Variants in ADAMTS19 observed in about 807,000 individuals in gnomAD.
The protein encoded by ADAMTS19 is A disintegrin and metalloproteinase with thrombospondin motifs 19.
Under a neutral mutation model 153.3 loss-of-function variants are expected in ADAMTS19, and 93 were observed. The observed-to-expected ratio is 0.61, with a 90% CI of 0.51 to 0.72. The LOEUF (loss-of-function observed/expected upper bound fraction) is 0.72. ADAMTS19 is among the 30% of genes least tolerant of loss of function. The pLI, the probability that ADAMTS19 is intolerant of heterozygous loss-of-function variation, is 0.00. For synonymous variants in ADAMTS19, 600 were observed against 556.6 expected (o/e 1.08, Z -1.10); for missense variants, 1,482 against 1,552.1 (o/e 0.95, Z 0.76).
intron 10 of ADAMTS19, among the ~76,000 whole-genome samples, chr5:129,641,441 G>T (rs1052561435): frequency 3.4e-4 from 51 of 152,222 alleles, no homozygotes; most frequent in African/African-American, 1.2e-3. Context: ...AAGCATAAAA[G>T]CAGAGCATAA....
chr5:129,474,922 A>G (rs1403639354), intron 2 of ADAMTS19, among the ~76,000 whole-genome samples: 1 of 152,136 alleles, frequency 6.6e-6, no homozygotes, highest in African/African-American at 2.4e-5. Flanking sequence ...AACTTTTGCC[A>G]ACTTGTTAAT....
chr5:129,648,252 C>T (rs17163218), intron 12 of ADAMTS19, among the ~76,000 whole-genome samples: 5,776 of 152,134 alleles, frequency 0.038, 343 homozygotes, highest in African/African-American at 0.13. Flanking sequence ...TTAATGACAG[C>T]AAAAGCTAAG....
chr5:129,544,913 A>C (rs946279219), intron 6 of ADAMTS19, among the ~76,000 whole-genome samples: 1 of 152,156 alleles, frequency 6.6e-6, no homozygotes, highest in Non-Finnish European at 1.5e-5. Context: ...CATTACCATG[A>C]ATCTGATTTC....
At chr5:129,729,779 T>C (rs193255531) in intron 21 of ADAMTS19, among the ~76,000 whole-genome samples, 42 of 152,198 alleles carry the variant, frequency 2.8e-4, no homozygotes, top group African/African-American at 9.4e-4. Context: ...TCTACTGTTA[T>C]TTTATGTCAT....
chr5:129,506,900 T>G (rs1751284151), intron 2 of ADAMTS19, among the ~76,000 whole-genome samples: 1 of 151,830 alleles, frequency 6.6e-6, no homozygotes, highest in South Asian at 2.1e-4. Context: ...TTAAAATATA[T>G]ATATATTTTT....
At chr5:129,609,300 C>T (rs560589089) in intron 8 of ADAMTS19, among the ~76,000 whole-genome samples, 2 of 152,240 alleles carry the variant, frequency 1.3e-5, no homozygotes, top group Non-Finnish European at 2.9e-5. Flanking sequence ...TTCCTTTATT[C>T]CTAAAATTTG....
At chr5:129,680,160 G>A (rs1411467201) in intron 17 of ADAMTS19, among the ~76,000 whole-genome samples, 2 of 152,100 alleles carry the variant, frequency 1.3e-5, no homozygotes, top group Non-Finnish European at 2.9e-5. Flanking sequence ...AAGTACAGAT[G>A]GATGACAGGG....
rs191199767 is a variant in ADAMTS19, at chr5:129,672,784, T to G, written c.2507-6980T>G. 2.4e-3 allele frequency among the ~76,000 whole-genome samples: 367 copies of G among 150,172 alleles called. 1 individual carries two copies. Among genetic ancestry groups the G allele is most frequent in the African/African-American group, 8.5e-3 (347 of 40,790 alleles). ...CTCAAGACTTATATGGTTACTAAGT[T>G]GGTTGGCATGTGCAAGTCCAAATCT... On this transcript the variant is annotated intron_variant, in intron 16 of 22. Transcript: ENST00000274487.
chr5:129,602,557 C>G (rs1433397032), intron 8 of ADAMTS19, among the ~76,000 whole-genome samples: 2 of 152,088 alleles, frequency 1.3e-5, no homozygotes, highest in Non-Finnish European at 2.9e-5. Context: ...TTATGATTGT[C>G]ATTTTACAGA....
chr5:129,569,263 G>A (rs1753816224), intron 7 of ADAMTS19, among the ~76,000 whole-genome samples: 1 of 151,898 alleles, frequency 6.6e-6, no homozygotes, highest in Admixed American at 6.6e-5. Flanking sequence ...TAATATTAAG[G>A]GATCAATTAA....
chr5:129,722,683 T>C (rs937750401), intron 21 of ADAMTS19, among the ~76,000 whole-genome samples: 1 of 152,216 alleles, frequency 6.6e-6, no homozygotes, highest in East Asian at 1.9e-4. Flanking sequence ...GCCTATGTCC[T>C]GAATGATATT....
At chr5:129,460,570 G>C in intron 1 of ADAMTS19, 88 bp downstream of exon 1, 3 of 1,459,218 alleles carry the variant, frequency 2.1e-6, no homozygotes, top group Non-Finnish European at 2.9e-6. Flanking sequence ...GGTGCAACCG[G>C]TGCGTGGAGA....
At chr5:129,481,306 C>A (rs1750401026) in intron 2 of ADAMTS19, among the ~76,000 whole-genome samples, 2 of 152,124 alleles carry the variant, frequency 1.3e-5, no homozygotes, top group South Asian at 2.1e-4. Flanking sequence ...ATTATCATAT[C>A]TTGTGAGAAC....
Position 129,525,512 on chromosome 5 carries a change from G to A in ADAMTS19, c.914-772G>A, listed in dbSNP as rs373976573. On this transcript the variant is annotated intron_variant, in intron 3 of 22. Transcript: ENST00000274487. ...ATTAGACTGTCATTGATTTAGAATA[G>A]CTCTTTATTTCTTTATTCTGGAAAA... Among the ~76,000 whole-genome samples, 418 of 152,102 alleles carry A rather than the reference G, an allele frequency of 2.7e-3. 3 individuals carry two copies. Among genetic ancestry groups the A allele is most frequent in the African/African-American group, 9.6e-3 (397 of 41,516 alleles).
intron 18 of ADAMTS19, among the ~76,000 whole-genome samples, chr5:129,688,455 C>T (rs1003083204): frequency 6.6e-6 from 1 of 151,750 alleles, no homozygotes; most frequent in African/African-American, 2.4e-5. Context: ...GGTTATCTAG[C>T]TAATTTTTAT....
chr5:129,560,980 A>G (rs567505947), intron 7 of ADAMTS19, among the ~76,000 whole-genome samples: 2 of 152,326 alleles, frequency 1.3e-5, no homozygotes, highest in African/African-American at 2.4e-5. Context: ...TAAGATCCCA[A>G]ATAGATTTTT....
At chr5:129,686,087 A>G (rs1755074388) in intron 18 of ADAMTS19, among the ~76,000 whole-genome samples, 1 of 152,208 alleles carries the variant, frequency 6.6e-6, no homozygotes, top group Non-Finnish European at 1.5e-5. Flanking sequence ...GATTATCTGG[A>G]GTAATAGTCT....
In ADAMTS19 at chr5:129,658,309, A is replaced by AAAAAAAG. The variant is rs1554103294; in HGVS notation, c.2305-305_2305-304insAAAGAAA. Among the ~76,000 whole-genome samples, 21 of 113,688 alleles carry AAAAAAAG rather than the reference A, an allele frequency of 1.8e-4. 1 individual carries two copies. The highest frequency in any genetic ancestry group is 7.6e-4 in the African/African-American group (19 of 25,138). 74.6% of individuals were successfully genotyped at this position (113,688 alleles called of 152,430 possible). A position where few individuals can be genotyped will look rare whatever the true frequency, so the allele number is the denominator to read the frequency against. On this transcript the variant is annotated intron_variant, in intron 14 of 22. Coordinates refer to ENST00000274487, the MANE Select transcript of ADAMTS19 (RefSeq NM_133638.6). ...TGAAAGAAAAAGAAAGAAAGAAAGA[A>AAAAAAAG]AAAGAAAGAAAGAAAGAAAGAAAGA...
intron 2 of ADAMTS19, 91 bp from the exon 3 acceptor site, chr5:129,508,986 G>A: frequency 4.4e-6 from 5 of 1,135,652 alleles, no homozygotes; most frequent in Non-Finnish European, 3.6e-6. Flanking sequence ...ATGCATGTTT[G>A]TTAACAAAAA....
Sources: gnomAD v4.1 joint callset for allele counts (sites outside exome capture counted in the v4.1 genomes callset) on GRCh38, gnomAD v4.1.1 for gene constraint, MANE v1.5 for transcripts, NCBI Gene and HGNC (gene_info 2026-07-23, HGNC 2026-07-21) for gene names.